TBC1D12: variants seen among roughly 807,000 people sequenced by gnomAD.
TBC1D12 encodes the protein TBC1 domain family, member 12.
TBC1D12 carries 56 observed loss-of-function variants against 86.7 expected under a neutral mutation model. That is an observed-to-expected ratio of 0.65 (90% CI 0.52 to 0.81). The LOEUF (loss-of-function observed/expected upper bound fraction) is 0.81, where lower values mean the gene tolerates loss of function less well. TBC1D12 is among the 30% of genes least tolerant of loss of function. The probability of loss-of-function intolerance (pLI) is 0.00; values close to 1 mark genes in which losing one functional copy is unlikely to be tolerated. For synonymous variants in TBC1D12, 421 were observed against 411.7 expected, an observed-to-expected ratio of 1.02 and a Z score of -0.27; for missense variants, 1,023 against 1,038.8, an observed-to-expected ratio of 0.98 and a Z score of 0.21.
chr10:94,429,758 G>T (rs1394106599), intron 1 of TBC1D12, among the ~76,000 whole-genome samples: 1 of 151,414 alleles, frequency 6.6e-6, no homozygotes, highest in Non-Finnish European at 1.5e-5. Context: ...TTTTGAGACA[G>T]GTTCTTGCTC....
At chr10:94,503,063 T>G (rs958934331) in intron 6 of TBC1D12, among the ~76,000 whole-genome samples, 38 of 152,354 alleles carry the variant, frequency 2.5e-4, no homozygotes, top group East Asian at 9.6e-4. Flanking sequence ...TCTGTGGCTT[T>G]CTTTCTTCAC....
rs762676339 is a variant in TBC1D12, at chr10:94,531,505, TG to T, written c.2259+46del. 2.7e-6 allele frequency: 4 copies of T among 1,505,268 alleles called. No homozygotes were observed. The African/African-American group carries it at 5.6e-5, about 21-fold the overall frequency. 93.2% of individuals were successfully genotyped at this position (1,505,268 alleles called of 1,614,324 possible). A position where few individuals can be genotyped will look rare whatever the true frequency, so the allele number is the denominator to read the frequency against. The stretch of plus-strand genomic sequence containing the variant: ...TCTTTAATAGATGTGTTAAAGCAGT[TG>T]ACTTATTGTAAAAAAGTTAGGTATT... On this transcript the variant is annotated intron_variant, in intron 12 of 12. Transcript: ENST00000225235.
chr10:94,507,163 A>T (rs1193047452), intron 6 of TBC1D12, 104 bp from the exon 7 acceptor site: 2 of 1,104,184 alleles, frequency 1.8e-6, no homozygotes, highest in Non-Finnish European at 2.6e-6. Flanking sequence ...TGCTTGCTAC[A>T]TCAGAGAGAC....
intron 3 of TBC1D12, among the ~76,000 whole-genome samples, chr10:94,477,438 G>T (rs536490262): frequency 1.3e-5 from 2 of 152,304 alleles, no homozygotes; most frequent in African/African-American, 4.8e-5. Context: ...GAACAGAAGA[G>T]AATGAAACCT....
chr10:94,496,838 A>G (rs1469134896), intron 4 of TBC1D12, among the ~76,000 whole-genome samples: 2 of 152,226 alleles, frequency 1.3e-5, no homozygotes, highest in Non-Finnish European at 1.5e-5. Flanking sequence ...CTCTAAAAAA[A>G]GAGAAAACAA....
chr10:94,520,972 T>C (rs998022582), intron 9 of TBC1D12, among the ~76,000 whole-genome samples: 16 of 152,154 alleles, frequency 1.1e-4, no homozygotes, highest in Non-Finnish European at 1.5e-5. Context: ...ATTGCAGTTA[T>C]TCTTAATGGT....
chr10:94,446,781 A>G (rs889515207), intron 2 of TBC1D12, among the ~76,000 whole-genome samples: 2 of 152,150 alleles, frequency 1.3e-5, no homozygotes, highest in Non-Finnish European at 2.9e-5. Context: ...AGAAGAAAAG[A>G]TTTAATTTAC....
At chr10:94,506,264 C>G (rs1028915817) in intron 6 of TBC1D12, among the ~76,000 whole-genome samples, 15 of 152,244 alleles carry the variant, frequency 9.9e-5, no homozygotes, top group Admixed American at 3.9e-4. Context: ...GTCTCAAACT[C>G]CTGACCTCAG....
At chr10:94,437,791 C>T (rs2055324084) in intron 1 of TBC1D12, among the ~76,000 whole-genome samples, 1 of 151,876 alleles carries the variant, frequency 6.6e-6, no homozygotes, top group African/African-American at 2.4e-5. Flanking sequence ...CTTTCTTCTG[C>T]CTGCTCAAAT....
At position 94,508,287 on chromosome 10, in the gene TBC1D12, A is replaced by G. The variant is rs144143248; in HGVS notation, c.1600+940A>G. Among the ~76,000 whole-genome samples, 443 of 151,004 alleles carry G rather than the reference A, an allele frequency of 2.9e-3. 2 individuals are homozygous for G. Among genetic ancestry groups the G allele is most frequent in the African/African-American group, 0.01 (422 of 41,156 alleles). ...TGGTGGGGGATAGATATAATTTTAT[A>G]TAATTGAAAAAAATTTTAATTCATC... On this transcript the variant is annotated intron_variant, in intron 7 of 12. Transcript: ENST00000225235.
At chr10:94,458,954 A>C (rs1266078253) in intron 2 of TBC1D12, among the ~76,000 whole-genome samples, 1 of 152,090 alleles carries the variant, frequency 6.6e-6, no homozygotes, top group Non-Finnish European at 1.5e-5. Flanking sequence ...GAGTGAAAAA[A>C]CAAAGCTTCC....
intron 9 of TBC1D12, among the ~76,000 whole-genome samples, chr10:94,521,227 A>C (rs535842056): frequency 3.9e-4 from 56 of 145,112 alleles, no homozygotes; most frequent in South Asian, 1.1e-3. Context: ...AAACCAAAAA[A>C]AAAAAAAAAA....
intron 5 of TBC1D12, among the ~76,000 whole-genome samples, chr10:94,498,628 G>C (rs936465184): frequency 1.3e-5 from 2 of 151,938 alleles, no homozygotes; most frequent in African/African-American, 4.8e-5. Flanking sequence ...TAATTGTTTT[G>C]TATATTTAGT....
intron 6 of TBC1D12, chr10:94,501,290 A>G (rs1369509284): frequency 1.3e-5 from 2 of 151,272 alleles, no homozygotes; most frequent in African/African-American, 2.4e-5. Flanking sequence ...CTCTACTAAA[A>G]TACGAAAAAT....
At chr10:94,440,897 C>T (rs1050600921) in intron 1 of TBC1D12, among the ~76,000 whole-genome samples, 3 of 152,090 alleles carry the variant, frequency 2.0e-5, no homozygotes, top group Non-Finnish European at 4.4e-5. Context: ...CACAATGACG[C>T]GGAGTGCAAT....
At chr10:94,506,041 AT>A (rs34002367) in intron 6 of TBC1D12, among the ~76,000 whole-genome samples, 46 of 148,390 alleles carry the variant, frequency 3.1e-4, no homozygotes, top group Non-Finnish European at 4.2e-4. Flanking sequence ...ACTTTTTGAA[AT>A]TTTTTTTTTT....
intron 1 of TBC1D12, among the ~76,000 whole-genome samples, chr10:94,423,653 C>G (rs1387579537): frequency 1.3e-5 from 2 of 152,118 alleles, no homozygotes; most frequent in East Asian, 1.9e-4. Flanking sequence ...TGGCCTCATT[C>G]ACCATTTTTT....
chr10:94,510,195 C>G lies in TBC1D12; in HGVS notation c.1689+16C>G. 1 of 1,531,388 alleles carries G rather than the reference C, an allele frequency of 6.5e-7. No homozygotes were observed. The highest frequency in any genetic ancestry group is 8.8e-7 in the Non-Finnish European group (1 of 1,137,932). 94.9% of individuals were successfully genotyped at this position (1,531,388 alleles called of 1,614,324 possible). ...CTTTCAGAAGGTGAGGGTTTCTAACCAGCTTGTAATTACTTAAAAAAAATC... is the reference window on the plus strand; with the variant it reads ...CTTTCAGAAGGTGAGGGTTTCTAACGAGCTTGTAATTACTTAAAAAAAATC... On this transcript the variant is annotated intron_variant, in intron 8 of 12. Transcript: ENST00000225235.
chr10:94,511,599 A>G lies in TBC1D12; in HGVS notation c.1706A>G (p.Asp569Gly), dbSNP rs371453191. 9.3e-6 allele frequency: 15 copies of G among 1,611,762 alleles called. No homozygotes were observed. Among genetic ancestry groups the G allele is most frequent in the Non-Finnish European group, 1.0e-5 (12 of 1,178,372 alleles). The change falls in exon 9 of 13, where the codon GAT (aspartate) becomes GGT (glycine). Residue 569 changes from aspartate to glycine, a missense_variant. Physicochemically the swap from Asp to Gly is moderately conservative, Grantham distance 94 (BLOSUM62 -1). Around this residue, in one of 2 missense-constraint regions of TBC1D12, gnomAD observed 395 missense variants for 507.7 expected, o/e 0.78. Transcript: ENST00000225235. The part of the protein sequence containing the change: ...YIFQKGGPYH[D>G]VLHSILGAYT... ...TCTCCTAAGGGTGGTCCATATCATG[A>G]TGTCTTGCATAGTATTTTAGGGGCA...
Sources: gnomAD v4.1 joint callset for allele counts (sites outside exome capture counted in the v4.1 genomes callset) on GRCh38, gnomAD v4.1.1 for gene constraint, gnomAD v4.1.1 regional missense constraint, MANE v1.5 for transcripts, NCBI Gene and HGNC (gene_info 2026-07-23, HGNC 2026-07-21) for gene names.